ART3: variants seen among roughly 807,000 people sequenced by gnomAD.
ART3 encodes the protein ecto-ADP-ribosyltransferase 3.
ART3 carries 49 observed loss-of-function variants against 48.5 expected under a neutral mutation model. That is an observed-to-expected ratio of 1.01 (90% CI 0.80 to 1.28). The LOEUF is 1.28. Ranked by LOEUF, ART3 falls within the 50% of genes most tolerant of loss-of-function variation. The pLI is 0.00. For missense variants in ART3, 438 were observed against 454.3 expected, an observed-to-expected ratio of 0.96 and a Z score of 0.33; for synonymous variants, 145 against 157.2, an observed-to-expected ratio of 0.92 and a Z score of 0.58.
At chr4:76,107,398 A>G (rs1728684955) in intron 10 of ART3, 1 of 157,478 alleles carries the variant, frequency 6.4e-6, no homozygotes, top group African/African-American at 2.4e-5. Context: ...TAATAAGACT[A>G]AGAAGTAAAG....
chr4:76,038,769 C>T (rs1482589784), intron 1 of ART3, among the ~76,000 whole-genome samples: 1 of 152,038 alleles, frequency 6.6e-6, no homozygotes, highest in East Asian at 1.9e-4. Context: ...GTAGCCCAGG[C>T]TGGAGTGCAG....
chr4:76,054,460 TG>T (rs1232183875), intron 1 of ART3, among the ~76,000 whole-genome samples: 2 of 152,262 alleles, frequency 1.3e-5, no homozygotes, highest in Non-Finnish European at 2.9e-5. Context: ...AGATGTTTTT[TG>T]TTCTAGCTAT....
At chr4:76,038,791 C>T (rs1404461934) in intron 1 of ART3, among the ~76,000 whole-genome samples, 1 of 151,892 alleles carries the variant, frequency 6.6e-6, no homozygotes, top group African/African-American at 2.4e-5. Context: ...GGTGTGATCT[C>T]GACTCACCAC....
chr4:76,049,830 C>A (rs904173470), intron 1 of ART3, among the ~76,000 whole-genome samples: 1 of 151,958 alleles, frequency 6.6e-6, no homozygotes, highest in Non-Finnish European at 1.5e-5. Context: ...TCGCTGACTT[C>A]AAGAATGAAG....
intron 1 of ART3, among the ~76,000 whole-genome samples, chr4:76,014,248 A>G (rs1732059447): frequency 6.6e-6 from 1 of 152,164 alleles, no homozygotes; most frequent in East Asian, 1.9e-4. Flanking sequence ...CCAAGATATT[A>G]AATCAGCTGT....
chr4:76,033,323 G>A (rs1043673427), intron 1 of ART3, among the ~76,000 whole-genome samples: 2 of 152,162 alleles, frequency 1.3e-5, no homozygotes, highest in African/African-American at 4.8e-5. Flanking sequence ...TCCTGCTGCT[G>A]CCAGGCTTGA....
chr4:76,106,520 ACTGCTTCTGTGT>A (rs1728505671), intron 10 of ART3: 1 of 200,072 alleles, frequency 5.0e-6, no homozygotes, highest in African/African-American at 2.4e-5. Context: ...AGCGGCTTGG[ACTGCTTCTGTGT>A]CTCTTTGTTG....
intron 1 of ART3, among the ~76,000 whole-genome samples, chr4:76,039,124 G>A (rs1271152527): frequency 6.7e-6 from 1 of 149,206 alleles, no homozygotes; most frequent in African/African-American, 2.5e-5. Context: ...TTTTGAGATG[G>A]AGTCTCTCTG....
At chr4:76,111,865 A>C (rs935140689) in intron 11 of ART3, 1 of 152,486 alleles carries the variant, frequency 6.6e-6, no homozygotes, top group Admixed American at 6.5e-5. Context: ...ATACATTTAC[A>C]AAATATGTGC....
At chr4:76,057,391 C>T (rs1390318446) in intron 1 of ART3, among the ~76,000 whole-genome samples, 2 of 152,098 alleles carry the variant, frequency 1.3e-5, no homozygotes, top group Non-Finnish European at 2.9e-5. Context: ...AGTACCAACG[C>T]TCATTTCCTG....
intron 3 of ART3, among the ~76,000 whole-genome samples, chr4:76,086,884 T>C (rs576885919): frequency 6.6e-6 from 1 of 152,270 alleles, no homozygotes; most frequent in South Asian, 2.1e-4. Context: ...TAGCCTGAAA[T>C]TGGCCATAGT....
At chr4:76,036,243 A>G (rs1734395187) in intron 1 of ART3, 1 of 415,502 alleles carries the variant, frequency 2.4e-6, no homozygotes, top group African/African-American at 2.1e-5. Flanking sequence ...GTTGAAAGTG[A>G]TAAGAATGTG....
At chr4:76,053,572 G>T (rs1322750762) in intron 1 of ART3, among the ~76,000 whole-genome samples, 4 of 152,202 alleles carry the variant, frequency 2.6e-5, no homozygotes, top group African/African-American at 9.7e-5. Flanking sequence ...ATAATTAACA[G>T]TCGTCAAAGA....
Position 76,082,054 on chromosome 4 carries a change from A to G in ART3, c.300A>G (p.Ala100=), listed in dbSNP as rs1722603277. 1.2e-6 allele frequency: 2 copies of G among 1,614,224 alleles called. No homozygotes were observed. The highest frequency in any genetic ancestry group is 1.7e-6 in the Non-Finnish European group (2 of 1,180,040). The change falls in exon 3 of 12, where the codon GCA becomes GCG. Residue 100 remains alanine, a synonymous_variant. Transcript: ENST00000355810. ...ATAACCATGGAATAGCCCTGATGGC[A>G]TATATTTCCGAAGCTCAAGAGCAAA... ...FKDNHGIALM[A]YISEAQEQTP...
intron 1 of ART3, among the ~76,000 whole-genome samples, chr4:76,043,259 G>A (rs1215113601): frequency 1.3e-5 from 2 of 152,086 alleles, no homozygotes; most frequent in African/African-American, 4.8e-5. Flanking sequence ...AGGGCTGCAG[G>A]TGGAGCTGCC....
At chr4:76,022,912 A>G (rs1733001874) in intron 1 of ART3, 7 of 1,230,876 alleles carry the variant, frequency 5.7e-6, no homozygotes, top group African/African-American at 3.0e-5. Context: ...CTATATCCCC[A>G]TATCAGCAAA....
At chr4:76,071,454 C>T (rs370123866), upstream of ART3, among the ~76,000 whole-genome samples, 219 of 152,228 alleles carry the variant, frequency 1.4e-3, 1 homozygote, top group African/African-American at 5.0e-3. Context: ...CCTTTTATGT[C>T]CTTTATAGAA....
intron 1 of ART3, among the ~76,000 whole-genome samples, chr4:76,051,896 CTCTTTTTTTTTTTT>C (rs796577800): frequency 0.067 from 6,721 of 100,438 alleles, 627 homozygotes; most frequent in African/African-American, 0.25. Flanking sequence ...CTCTCTCTCT[CTCTTTTTTTTTTTT>C]TTTTTTTTTT....
Position 76,081,927 on chromosome 4 carries a change from A to G in ART3, c.173A>G (p.Glu58Gly). 6.2e-7 allele frequency: 1 copy of G among 1,614,212 alleles called. No individual in the cohort carries two copies. Among genetic ancestry groups the G allele is most frequent in the Non-Finnish European group, 8.5e-7 (1 of 1,180,034 alleles). ...EIKYVPQLLK[E>G]EKASHQQLDT... ...AAATACGTTCCCCAACTGCTAAAGG[A>G]GGAAAAAGCAAGCCACCAGCAATTA... The change falls in exon 3 of 12, where the codon GAG (glutamate) becomes GGG (glycine). Residue 58 changes from glutamate (E) to glycine (G), a missense_variant. Transcript: ENST00000355810.
Sources: gnomAD v4.1 joint callset for allele counts (sites outside exome capture counted in the v4.1 genomes callset) on GRCh38, gnomAD v4.1.1 for gene constraint, MANE v1.5 for transcripts, NCBI Gene and HGNC (gene_info 2026-07-23, HGNC 2026-07-21) for gene names.